Variants in NFATC2 observed in about 807,000 individuals in gnomAD.
The protein encoded by NFATC2 is nuclear factor of activated T cells 2, also known as nuclear factor of activated T-cells, cytoplasmic 2.
NFATC2 carries 22 observed loss-of-function variants against 87.3 expected under a neutral mutation model. The ratio of observed to expected loss-of-function variants is 0.25; its 90% CI spans 0.18 to 0.36. The LOEUF (loss-of-function observed/expected upper bound fraction) is 0.36. Among genes scored for constraint, NFATC2 ranks in the 10% least tolerant of loss-of-function variants. NFATC2 has a pLI of 1.00. For missense variants in NFATC2, 1,149 were observed against 1,259.1 expected (o/e 0.91, Z 1.32); for synonymous variants, 565 against 542.2 (o/e 1.04, Z -0.58).
intron 1 of NFATC2, among the ~76,000 whole-genome samples, chr20:51,549,363 C>T (rs2076914494): frequency 6.6e-6 from 1 of 152,334 alleles, no homozygotes; most frequent in South Asian, 2.1e-4. Context: ...ACTTCTGCCT[C>T]CCAGGTGCAA....
rs553233799 is a variant in NFATC2, at chr20:51,548,557, AGTAGAAGAAGTATGTCC to A, written c.70+13986_70+14002del. On this transcript the variant is annotated intron_variant, in intron 1 of 10. Coordinates refer to the NFATC2 transcript ENST00000414705. Reference sequence around the variant, plus strand: ...ATTTTAGACAATGAATGCTTTTCTTAGTAGAAGAAGTATGTCCAAAATAGTATGTGGGACAGACATAA... The same window carrying A: ...ATTTTAGACAATGAATGCTTTTCTTAAAAATAGTATGTGGGACAGACATAA... Among the ~76,000 whole-genome samples the A allele has an allele frequency of 7.0e-3, 1,064 of 152,354 alleles. 8 individuals are homozygous for A. Among genetic ancestry groups the A allele is most frequent in the Non-Finnish European group, 8.2e-3 (557 of 68,026 alleles).
intron 1 of NFATC2, among the ~76,000 whole-genome samples, chr20:51,531,620 A>G (rs2076635088): frequency 6.6e-6 from 1 of 152,190 alleles, no homozygotes; most frequent in Admixed American, 6.5e-5. Context: ...CCCGGCTGTG[A>G]GACTTGGGGA....
At chr20:51,454,770 A>G in intron 5 of NFATC2, 82 bp from the exon 6 acceptor site, 1 of 1,496,764 alleles carries the variant, frequency 6.7e-7, no homozygotes, top group Non-Finnish European at 9.1e-7. Context: ...TGGTACTGAG[A>G]TATGACATGC....
Position 51,524,990 on chromosome 20 carries a change from C to G in NFATC2, c.131-880G>C, listed in dbSNP as rs2076520691. ...ATCCCGGCACTTCGGGAGGCTGAGG[C>G]GGGCAGATCACTTGCGGTCAGGAGT... On this transcript the variant is annotated intron_variant, in intron 1 of 10. Coordinates refer to ENST00000371564, the MANE Select transcript of NFATC2 (RefSeq NM_012340.5). This position sits in a 1 kb window ranked among gnomAD's most constrained non-coding sequence, Gnocchi z 4.0. Among the ~76,000 whole-genome samples, 1 of 152,112 alleles carries G rather than the reference C, an allele frequency of 6.6e-6. No homozygotes were observed. Among genetic ancestry groups the G allele is most frequent in the Non-Finnish European group, 1.5e-5 (1 of 68,018 alleles).
chr20:51,485,079 C>T (rs1600844659), intron 3 of NFATC2, among the ~76,000 whole-genome samples: 1 of 152,256 alleles, frequency 6.6e-6, no homozygotes, highest in Non-Finnish European at 1.5e-5. Context: ...GCATAGCAAG[C>T]ACGCTCACTC....
chr20:51,481,804 C>T (rs1989283640), intron 3 of NFATC2, among the ~76,000 whole-genome samples: 1 of 152,164 alleles, frequency 6.6e-6, no homozygotes. Flanking sequence ...GACATCCCGC[C>T]ACAGTTAGCT....
At chr20:51,417,823 A>G (rs1237964919) in intron 9 of NFATC2, among the ~76,000 whole-genome samples, 2 of 104,724 alleles carry the variant, frequency 1.9e-5, no homozygotes, top group Non-Finnish European at 3.8e-5. Context: ...TTGATAAGAA[A>G]CAAACCAAAA....
At chr20:51,545,424 G>A (rs186634192), upstream of NFATC2, among the ~76,000 whole-genome samples, 5 of 152,298 alleles carry the variant, frequency 3.3e-5, no homozygotes, top group Admixed American at 1.3e-4. Context: ...CCCAGACTGC[G>A]CCAATCAGAG....
chr20:51,427,072 G>A (rs925197963), intron 9 of NFATC2, among the ~76,000 whole-genome samples: 5 of 151,896 alleles, frequency 3.3e-5, no homozygotes, highest in African/African-American at 9.7e-5. Flanking sequence ...TTTTCTGGAC[G>A]TTTCCAGAAC....
At chr20:51,412,724 A>C (rs1004384967) in intron 9 of NFATC2, among the ~76,000 whole-genome samples, 2 of 152,066 alleles carry the variant, frequency 1.3e-5, no homozygotes, top group Non-Finnish European at 2.9e-5. Context: ...AGCTGGGTCC[A>C]CGGGGATGCT....
rs116922758 is a variant in NFATC2 at position 51,460,407 on chromosome 20, C to T, written c.1709-5719G>A. Reference sequence around the variant, plus strand: ...AACAGTCCCACTTCACAGGTCATTACGAGGATTAAACAAGTTCATCAAAAG... The same window carrying T: ...AACAGTCCCACTTCACAGGTCATTATGAGGATTAAACAAGTTCATCAAAAG... On this transcript the variant is annotated intron_variant, in intron 5 of 10. Coordinates refer to ENST00000371564, the MANE Select transcript of NFATC2 (RefSeq NM_012340.5). 3.5e-3 allele frequency among the ~76,000 whole-genome samples: 531 copies of T among 152,214 alleles called. 2 individuals carry two copies. The highest frequency in any genetic ancestry group is 6.2e-3 in the Non-Finnish European group (419 of 68,024).
At position 51,524,203 on chromosome 20, in the gene NFATC2, G is replaced by C; in HGVS notation, c.131-93C>G. The C allele has an allele frequency of 8.2e-7, 1 of 1,214,548 alleles. No homozygotes were observed. Among genetic ancestry groups the C allele is most frequent in the South Asian group, 2.6e-5 (1 of 38,782 alleles). 75.2% of individuals were successfully genotyped at this position (1,214,548 alleles called of 1,614,324 possible). A position where few individuals can be genotyped will look rare whatever the true frequency, so the allele number is the denominator to read the frequency against. On this transcript the variant is annotated intron_variant, in intron 1 of 10. Transcript: ENST00000371564. This position sits in a 1 kb window ranked among gnomAD's most constrained non-coding sequence, Gnocchi z 4.0. The stretch of plus-strand genomic sequence containing the variant: ...CACAGGCTGGATTTCGTCTCACGTC[G>C]TTTATTTTTTTCAAATTCCCACCAT...
rs528842461 is a variant in NFATC2 at position 51,432,322 on chromosome 20, C to T, written c.2467G>A (p.Gly823Arg). The T allele has an allele frequency of 6.8e-6, 11 of 1,614,152 alleles. No individual in the cohort carries two copies. Among genetic ancestry groups the T allele is most frequent in the East Asian group, 2.2e-5 (1 of 44,870 alleles). Reference protein sequence around the residue: ...YSPTNQQLRCGSHQEFQHIMY... With the variant: ...YSPTNQQLRCRSHQEFQHIMY... ...ATGTGCTGGAACTCCTGGTGGCTTC[C>T]GCAGCGCAGCTGCTGGTTGGTGGGT... The change falls in exon 9 of 11, where the codon GGA (glycine) becomes AGA (arginine). Residue 823 changes from glycine (G) to arginine (R), a missense_variant. Gly to Arg is a moderately radical substitution (Grantham distance 125, BLOSUM62 -2). Coordinates refer to ENST00000371564, the MANE Select transcript of NFATC2 (RefSeq NM_012340.5). This position sits in a 1 kb window ranked among gnomAD's most constrained non-coding sequence, Gnocchi z 4.6.
At chr20:51,463,373 G>A (rs1987348443) in intron 5 of NFATC2, among the ~76,000 whole-genome samples, 1 of 152,282 alleles carries the variant, frequency 6.6e-6, no homozygotes, top group Non-Finnish European at 1.5e-5. Flanking sequence ...TGTGGGCCTC[G>A]GTGGCGGGGG....
chr20:51,400,847 C>T (rs184283700), intron 9 of NFATC2, among the ~76,000 whole-genome samples: 1 of 151,992 alleles, frequency 6.6e-6, no homozygotes, highest in Admixed American at 6.5e-5. Context: ...GAACAGCCTC[C>T]TAGCATTGGG....
chr20:51,421,836 G>A (rs1028752115), intron 9 of NFATC2, among the ~76,000 whole-genome samples: 13 of 152,072 alleles, frequency 8.5e-5, no homozygotes, highest in East Asian at 1.9e-4. Flanking sequence ...CCAGTTGGCC[G>A]CTCCTTTTCC....
chr20:51,462,002 C>T (rs1987213444), intron 5 of NFATC2, among the ~76,000 whole-genome samples: 1 of 151,968 alleles, frequency 6.6e-6, no homozygotes, highest in South Asian at 2.1e-4. Flanking sequence ...GCCTGGAATC[C>T]CAGCTACTTG....
intron 9 of NFATC2, among the ~76,000 whole-genome samples, chr20:51,407,314 A>AC (rs976981122): frequency 6.6e-6 from 1 of 151,892 alleles, no homozygotes; most frequent in Non-Finnish European, 1.5e-5. Context: ...AACACTTGGC[A>AC]CCCCCAGTTT....
intron 9 of NFATC2, among the ~76,000 whole-genome samples, chr20:51,430,314 C>T (rs1183423245): frequency 3.9e-5 from 6 of 152,212 alleles, no homozygotes; most frequent in African/African-American, 9.7e-5. Context: ...GATCTGGTTA[C>T]GACCATGCTT....
Sources: allele counts gnomAD v4.1 joint callset (sites outside exome capture counted in the v4.1 genomes callset), GRCh38; gene constraint gnomAD v4.1.1; non-coding constraint Gnocchi (gnomAD v3.1); transcripts MANE v1.5; gene names NCBI Gene and HGNC (gene_info 2026-07-23, HGNC 2026-07-21).